The following AIDA variants were observed in gnomAD, a reference collection of about 807,000 sequenced individuals.
AIDA encodes the protein axin interactor, dorsalization associated.
AIDA carries 18 observed loss-of-function variants against 42.7 expected under a neutral mutation model. The observed-to-expected ratio is 0.42, with a 90% CI of 0.29 to 0.63. AIDA has a LOEUF of 0.63. Ranked by LOEUF, AIDA falls within the 20% of genes least tolerant of loss-of-function variation. The probability of loss-of-function intolerance (pLI) is 0.19; values close to 1 mark genes in which losing one functional copy is unlikely to be tolerated. For missense variants in AIDA, 250 were observed against 354.1 expected (o/e 0.71, Z 2.36); for synonymous variants, 104 against 122.9 (o/e 0.85, Z 1.02).
Position 222,669,806 on chromosome 1 carries a change from G to C in AIDA, c.*87C>G. On this transcript the variant is annotated 3_prime_UTR_variant, in exon 10 of 10. Coordinates refer to ENST00000340020, the MANE Select transcript of AIDA (RefSeq NM_022831.4). The stretch of plus-strand genomic sequence containing the variant: ...TCTGGGTACGGCTTGCTTCCTGCCT[G>C]TTGAAGGGTGAATATGCTACACAGA... 1 of 1,269,624 alleles carries C rather than the reference G, an allele frequency of 7.9e-7. No individual in the cohort carries two copies. Among genetic ancestry groups the C allele is most frequent in the South Asian group, 1.4e-5 (1 of 70,012 alleles). The allele number at this position is 1,269,624 out of a possible 1,614,324, so 78.6% of individuals were successfully genotyped here. A position where few individuals can be genotyped will look rare whatever the true frequency, so the allele number is the denominator to read the frequency against.
At chr1:222,698,039 A>C (rs1045974755) in intron 2 of AIDA, among the ~76,000 whole-genome samples, 2 of 152,192 alleles carry the variant, frequency 1.3e-5, no homozygotes, top group Non-Finnish European at 2.9e-5. Flanking sequence ...TACTACACCA[A>C]AGTCAGGAAT....
At chr1:222,678,528 C>G (rs1413525752) in intron 6 of AIDA, among the ~76,000 whole-genome samples, 1 of 151,254 alleles carries the variant, frequency 6.6e-6, no homozygotes, top group African/African-American at 2.4e-5. Flanking sequence ...TACCAACAAA[C>G]TTTTTTTTTG....
Position 222,712,373 on chromosome 1 carries a change from G to T in AIDA, c.-56C>A. 1 of 1,500,902 alleles carries T rather than the reference G, an allele frequency of 6.7e-7. No homozygotes were observed. The highest frequency in any genetic ancestry group is 2.2e-5 in the Admixed American group (1 of 46,266). The allele number at this position is 1,500,902 out of a possible 1,614,324, so 93.0% of individuals were successfully genotyped here. A position where few individuals can be genotyped will look rare whatever the true frequency, so the allele number is the denominator to read the frequency against. On this transcript the variant is annotated 5_prime_UTR_variant, in exon 1 of 10. Transcript: ENST00000340020. ...CTACCCCAGCAAGGCCGGGTTCTAG[G>T]GCGCCATCCTCCCCCGGCCTGGCCC...
intron 6 of AIDA, 109 bp downstream of exon 6, chr1:222,686,821 G>A (rs1163438136): frequency 4.4e-5 from 59 of 1,333,672 alleles, no homozygotes; most frequent in African/African-American, 1.5e-5. Context: ...AGATTGGCAT[G>A]AGCTTTAGAG....
intron 1 of AIDA, among the ~76,000 whole-genome samples, chr1:222,708,669 G>C (rs1186132218): frequency 1.3e-5 from 2 of 152,040 alleles, no homozygotes; most frequent in East Asian, 3.9e-4. Context: ...CACCCAACCA[G>C]TTAGCAGATA....
chr1:222,681,237 G>A (rs1290119471), intron 6 of AIDA, among the ~76,000 whole-genome samples: 2 of 152,182 alleles, frequency 1.3e-5, no homozygotes, highest in African/African-American at 4.8e-5. Flanking sequence ...AACAGAAAAC[G>A]CTGACACTGT....
chr1:222,671,038 G>T (rs1452391970), intron 8 of AIDA, among the ~76,000 whole-genome samples: 1 of 151,926 alleles, frequency 6.6e-6, no homozygotes, highest in Admixed American at 6.6e-5. Flanking sequence ...GGGCAACAAG[G>T]GGGTGGTAAG....
intron 4 of AIDA, among the ~76,000 whole-genome samples, chr1:222,689,806 G>A (rs542514740): frequency 5.3e-5 from 8 of 151,826 alleles, no homozygotes; most frequent in South Asian, 4.2e-4. Flanking sequence ...TGTTTATAAA[G>A]TCTACGGTAG....
chr1:222,698,192 C>T (rs564002698), intron 2 of AIDA, among the ~76,000 whole-genome samples: 6 of 152,260 alleles, frequency 3.9e-5, no homozygotes, highest in South Asian at 4.1e-4. Flanking sequence ...CTTTATTTTA[C>T]ACCAGAAATC....
chr1:222,696,864 T>C (rs1248337558), intron 2 of AIDA, among the ~76,000 whole-genome samples: 2 of 152,222 alleles, frequency 1.3e-5, no homozygotes, highest in African/African-American at 4.8e-5. Flanking sequence ...ATGTTGTAGT[T>C]TAACAACTAT....
At chr1:222,709,597 G>A (rs370449287) in intron 1 of AIDA, among the ~76,000 whole-genome samples, 24 of 152,206 alleles carry the variant, frequency 1.6e-4, no homozygotes, top group Non-Finnish European at 2.6e-4. Context: ...GGTGGCCAGA[G>A]ACAGCCTCAC....
chr1:222,683,858 T>A (rs534567404), intron 6 of AIDA, among the ~76,000 whole-genome samples: 1 of 152,324 alleles, frequency 6.6e-6, no homozygotes, highest in African/African-American at 2.4e-5. Flanking sequence ...TTAAAAAATT[T>A]AAATATTTTG....
At chr1:222,685,549 T>C (rs1463409161) in intron 6 of AIDA, among the ~76,000 whole-genome samples, 1 of 152,240 alleles carries the variant, frequency 6.6e-6, no homozygotes, top group African/African-American at 2.4e-5. Flanking sequence ...GGAAAGCTTC[T>C]AGAATCTCTT....
chr1:222,688,818 C>T (rs1461058780), intron 4 of AIDA, among the ~76,000 whole-genome samples: 2 of 152,006 alleles, frequency 1.3e-5, no homozygotes, highest in African/African-American at 4.8e-5. Flanking sequence ...AGGCTGGTCT[C>T]GAACTCCTGA....
intron 4 of AIDA, among the ~76,000 whole-genome samples, chr1:222,690,743 T>A (rs1485043384): frequency 1.3e-5 from 2 of 151,780 alleles, no homozygotes. Flanking sequence ...ATATATAATC[T>A]TATATACATA....
At chr1:222,692,403 C>T (rs1453404740) in intron 4 of AIDA, among the ~76,000 whole-genome samples, 2 of 152,188 alleles carry the variant, frequency 1.3e-5, no homozygotes, top group Non-Finnish European at 2.9e-5. Context: ...GAAGCTTACA[C>T]TCTAGAAATG....
intron 2 of AIDA, among the ~76,000 whole-genome samples, chr1:222,697,524 A>G (rs1655557430): frequency 6.6e-6 from 1 of 151,550 alleles, no homozygotes; most frequent in African/African-American, 2.4e-5. Context: ...CTGACAATTA[A>G]GACTTGAATT....
Position 222,670,002 on chromosome 1 carries a change from CAGAA to C in AIDA, c.825-17_825-14del, listed in dbSNP as rs537909302. The stretch of plus-strand genomic sequence containing the variant: ...GGGTTTCTTGTATCTGTAATCACAA[CAGAA>C]AGACCATTGTTTAAAATACATTGAT... On this transcript the variant is annotated splice_polypyrimidine_tract_variant and intron_variant, in intron 9 of 9. Transcript: ENST00000340020. The C allele has an allele frequency of 5.3e-5, 85 of 1,613,978 alleles. No individual in the cohort carries two copies. The East Asian group carries it at 1.6e-3, about 30-fold the overall frequency.
At chr1:222,709,356 G>A (rs1246505196) in intron 1 of AIDA, among the ~76,000 whole-genome samples, 7 of 152,168 alleles carry the variant, frequency 4.6e-5, no homozygotes, top group South Asian at 2.1e-4. Flanking sequence ...GCTTGAACCC[G>A]GGAGGCACAG....
Sources: allele counts gnomAD v4.1 joint callset (sites outside exome capture counted in the v4.1 genomes callset), GRCh38; gene constraint gnomAD v4.1.1; transcripts MANE v1.5; gene names NCBI Gene and HGNC (gene_info 2026-07-23, HGNC 2026-07-21).